Variants in CCT8 observed in about 807,000 individuals in gnomAD.
CCT8 encodes the protein chaperonin containing TCP1 subunit 8.
Under a neutral mutation model 65.7 loss-of-function variants are expected in CCT8, and 10 were observed. The observed-to-expected ratio is 0.15, with a 90% CI of 0.09 to 0.26. CCT8 has a LOEUF of 0.26. Among genes scored for constraint, CCT8 ranks in the 10% least tolerant of loss-of-function variants. The pLI, the probability that CCT8 is intolerant of heterozygous loss-of-function variation, is 1.00. For missense variants in CCT8, 568 were observed against 669.1 expected (o/e 0.85, Z 1.67); for synonymous variants, 199 against 221.8 (o/e 0.90, Z 0.92).
intron 7 of CCT8, 126 bp from the exon 8 acceptor site, chr21:29,063,656 T>TC: frequency 1.2e-6 from 1 of 833,172 alleles, no homozygotes; most frequent in Non-Finnish European, 1.9e-6. Flanking sequence ...TGTGCATATA[T>TC]TATGAAGCAG....
intron 6 of CCT8, among the ~76,000 whole-genome samples, chr21:29,066,278 G>A (rs774703190): frequency 2.0e-5 from 3 of 151,774 alleles, no homozygotes; most frequent in Non-Finnish European, 2.9e-5. Context: ...GGTGGTTCAC[G>A]CCTGTTAATC....
At chr21:29,057,227 A>G (rs1179405181) in intron 14 of CCT8, among the ~76,000 whole-genome samples, 1 of 148,714 alleles carries the variant, frequency 6.7e-6, no homozygotes, top group East Asian at 2.0e-4. Flanking sequence ...TAGAGAGTGC[A>G]GTGGCGCGAT....
intron 3 of CCT8, among the ~76,000 whole-genome samples, 154 bp downstream of exon 3, chr21:29,069,269 G>A (rs563932046): frequency 1.3e-5 from 2 of 152,090 alleles, no homozygotes; most frequent in African/African-American, 2.4e-5. Context: ...AATCTAAAGA[G>A]GACTCTTTAT....
At chr21:29,068,421 T>G (rs1363442686) in intron 3 of CCT8, among the ~76,000 whole-genome samples, 1 of 152,090 alleles carries the variant, frequency 6.6e-6, no homozygotes, top group Non-Finnish European at 1.5e-5. Flanking sequence ...AAATTTAACT[T>G]TTAACTTAAG....
In CCT8 at chr21:29,067,610, TC is replaced by T; in HGVS notation, c.326del (p.Gly109GlufsTer6). Reference sequence around the variant, plus strand: ...GTTCTTCAGCTAATTCCAGGAGAGCTCCAGCAAATACCAGAACAAAGTTTGT... The same window carrying T: ...GTTCTTCAGCTAATTCCAGGAGAGCTCAGCAAATACCAGAACAAAGTTTGT... ...DGTNFVLVFA[G>X]ALLELAEELL... On this transcript the variant is annotated frameshift_variant, in exon 4 of 15. Coordinates refer to ENST00000286788, the MANE Select transcript of CCT8 (RefSeq NM_006585.4). LOFTEE classifies it high-confidence loss of function. 1.4e-6 allele frequency: 2 copies of T among 1,440,446 alleles called. No homozygotes were observed. The highest frequency in any genetic ancestry group is 1.7e-5 in the South Asian group (1 of 59,782). 89.2% of individuals were successfully genotyped at this position (1,440,446 alleles called of 1,614,324 possible). A position where few individuals can be genotyped will look rare whatever the true frequency, so the allele number is the denominator to read the frequency against.
chr21:29,065,858 A>G lies in CCT8; in HGVS notation c.625-753T>C, dbSNP rs1304461949. On this transcript the variant is annotated intron_variant, in intron 6 of 14. Transcript: ENST00000286788. ...AGCACTTTGGGAGGCCAAGGTGGGC[A>G]GATCATGAGGTCAGGAGTTCGAGAC... Among the ~76,000 whole-genome samples the G allele has an allele frequency of 3.3e-5, 5 of 152,020 alleles. No homozygotes were observed. In the South Asian group the frequency reaches 1.0e-3, roughly 32 times the overall value.
chr21:29,073,122 C>T, intron 1 of CCT8: 1 of 320,026 alleles, frequency 3.1e-6, no homozygotes, highest in African/African-American at 2.2e-5. Context: ...TCTTCCCCAT[C>T]CTACAACTCG....
rs753807581 is a variant in CCT8, at chr21:29,069,453, G to A, written c.201C>T (p.Asn67=). ...GTTCTCTTAAAATAGTTGCTGCATC[G>A]TTTGTCACAAACAACTTCTCCAAGT... is the stretch of plus-strand genomic sequence containing the variant. ...INHLEKLFVT[N]DAATILRELE... The change falls in exon 3 of 15, where the codon AAC becomes AAT. Residue 67 remains asparagine (N), a synonymous_variant. Transcript: ENST00000286788. 15 of 1,580,350 alleles carry A rather than the reference G, an allele frequency of 9.5e-6. No homozygotes were observed. Among genetic ancestry groups the A allele is most frequent in the Middle Eastern group, 1.9e-4 (1 of 5,346 alleles).
chr21:29,060,774 G>T, intron 13 of CCT8, 114 bp from the exon 14 acceptor site: 1 of 1,119,038 alleles, frequency 8.9e-7, no homozygotes, highest in Non-Finnish European at 1.3e-6. Flanking sequence ...ACCAAGCACA[G>T]TCCTACCTTA....
chr21:29,059,041 G>A (rs903935944), intron 14 of CCT8, among the ~76,000 whole-genome samples: 9 of 152,126 alleles, frequency 5.9e-5, no homozygotes, highest in African/African-American at 1.7e-4. Flanking sequence ...AGCCTCCTGC[G>A]TAGCTGGGAC....
chr21:29,062,810 G>C (rs1397188150), intron 8 of CCT8: 3 of 498,786 alleles, frequency 6.0e-6, no homozygotes, highest in Non-Finnish European at 1.1e-5. Context: ...AGAATTGGGA[G>C]AATGGAAGTC....
chr21:29,071,320 ATTT>A (rs2085677281), intron 1 of CCT8, among the ~76,000 whole-genome samples: 8 of 152,170 alleles, frequency 5.3e-5, no homozygotes, highest in Non-Finnish European at 1.2e-4. Flanking sequence ...AAAAAGTTCT[ATTT>A]ACATAGTACT....
At chr21:29,072,205 A>G in intron 1 of CCT8, 1 of 461,818 alleles carries the variant, frequency 2.2e-6, no homozygotes, top group South Asian at 3.8e-5. Flanking sequence ...TCTTTTACAG[A>G]CATTTTTACC....
rs765288666 is a variant in CCT8 at position 29,056,500 on chromosome 21, T to G, written c.1622A>C (p.Asp541Ala). ...GGPKPPSGKK[D>A]WDDDQND is the part of the protein sequence containing the mutation. The stretch of plus-strand genomic sequence containing the variant: ...TCAATCATTTTGGTCATCATCCCAG[T>G]CTTTCTTCCCACTTGGAGGCTTGGG... Residue 541 changes from aspartate to alanine, a missense_variant, in exon 15 of 15, where the codon GAC becomes GCC. Coordinates refer to ENST00000286788, the MANE Select transcript of CCT8 (RefSeq NM_006585.4). The G allele has an allele frequency of 6.5e-7, 1 of 1,539,424 alleles. No individual in the cohort carries two copies. Among genetic ancestry groups the G allele is most frequent in the South Asian group, 1.3e-5 (1 of 79,540 alleles).
chr21:29,069,969 T>C (rs910455851), intron 2 of CCT8, among the ~76,000 whole-genome samples: 3 of 152,216 alleles, frequency 2.0e-5, no homozygotes, highest in Admixed American at 1.3e-4. Flanking sequence ...TATTTAGTGT[T>C]TGTCAGAATG....
intron 14 of CCT8, among the ~76,000 whole-genome samples, chr21:29,058,573 T>C (rs907502952): frequency 6.6e-6 from 1 of 150,398 alleles, no homozygotes; most frequent in Non-Finnish European, 1.5e-5. Flanking sequence ...TGGAGTGACA[T>C]CTGAGAATCT....
chr21:29,073,344 A>G (rs2085704903), intron 1 of CCT8, 187 bp downstream of exon 1: 1 of 1,423,630 alleles, frequency 7.0e-7, no homozygotes, highest in South Asian at 1.5e-5. Flanking sequence ...TCGCGGAAGA[A>G]GAGAAGTGCC....
At chr21:29,073,443 C>T (rs2085706620) in intron 1 of CCT8, 88 bp downstream of exon 1, 1 of 1,602,304 alleles carries the variant, frequency 6.2e-7, no homozygotes, top group Non-Finnish European at 8.5e-7. Context: ...GCAGCACGCT[C>T]AGCCCGTTAG....
chr21:29,057,737 T>C (rs564644759), intron 14 of CCT8, among the ~76,000 whole-genome samples: 19 of 89,978 alleles, frequency 2.1e-4, no homozygotes, highest in African/African-American at 5.1e-4. Flanking sequence ...ATGTATGATA[T>C]ATATATCATG....
Sources: allele counts gnomAD v4.1 joint callset (sites outside exome capture counted in the v4.1 genomes callset), GRCh38; gene constraint gnomAD v4.1.1; transcripts MANE v1.5; gene names NCBI Gene and HGNC (gene_info 2026-07-23, HGNC 2026-07-21).